Variants in ARMH3 observed in about 807,000 individuals in gnomAD.
ARMH3 encodes armadillo like helical domain containing 3.
Under a neutral mutation model 99.1 loss-of-function variants are expected in ARMH3, and 60 were observed. That is an observed-to-expected ratio of 0.61 (90% CI 0.49 to 0.75). ARMH3 has a LOEUF of 0.75. Ranked by LOEUF, ARMH3 falls within the 30% of genes least tolerant of loss-of-function variation. The pLI, the probability that ARMH3 is intolerant of heterozygous loss-of-function variation, is 0.00. For missense variants in ARMH3, 679 were observed against 843.1 expected, an observed-to-expected ratio of 0.81 and a Z score of 2.41; for synonymous variants, 285 against 292.8, an observed-to-expected ratio of 0.97 and a Z score of 0.27.
At chr10:101,893,440 TTTA>T (rs1026479358) in intron 23 of ARMH3, among the ~76,000 whole-genome samples, 1 of 152,006 alleles carries the variant, frequency 6.6e-6, no homozygotes. Flanking sequence ...GTTCTTGTTT[TTTA>T]TTATTATTAT....
chr10:102,030,616 A>G (rs552692399), intron 4 of ARMH3, among the ~76,000 whole-genome samples: 1 of 152,262 alleles, frequency 6.6e-6, no homozygotes, highest in South Asian at 2.1e-4. Context: ...AGGCTGAGGC[A>G]GGAGAATCCT....
chr10:102,004,250 A>G (rs1448531226), intron 14 of ARMH3, among the ~76,000 whole-genome samples: 4 of 152,186 alleles, frequency 2.6e-5, no homozygotes. Context: ...ACACCACTAT[A>G]ATTAAGATCT....
intron 23 of ARMH3, among the ~76,000 whole-genome samples, chr10:101,918,850 T>C (rs763294073): frequency 6.6e-6 from 1 of 152,192 alleles, no homozygotes; most frequent in Non-Finnish European, 1.5e-5. Context: ...ACAGGCTTAG[T>C]AGAACACTGA....
chr10:101,959,102 G>C (rs1364232824), intron 20 of ARMH3, among the ~76,000 whole-genome samples: 2 of 152,202 alleles, frequency 1.3e-5, no homozygotes, highest in African/African-American at 4.8e-5. Flanking sequence ...GCAAATGATA[G>C]GCAGCTGGCC....
At chr10:101,859,431 A>G in intron 24 of ARMH3, among the ~76,000 whole-genome samples, 1 of 152,224 alleles carries the variant, frequency 6.6e-6, no homozygotes, top group East Asian at 1.9e-4. Flanking sequence ...AATCACCTGA[A>G]AGGCAGATTC....
chr10:101,847,632 T>C lies in ARMH3; in HGVS notation c.1978-12A>G. ...CTAATGGATCGAACCTGGGAAAGGG[T>C]AGTTGGGGAAGGTGGGAGGGCGCAG... On this transcript the variant is annotated splice_polypyrimidine_tract_variant and intron_variant, in intron 25 of 25. Transcript: ENST00000370033. 6.2e-7 allele frequency: 1 copy of C among 1,612,994 alleles called. No homozygotes were observed. The highest frequency in any genetic ancestry group is 8.5e-7 in the Non-Finnish European group (1 of 1,179,380).
intron 24 of ARMH3, among the ~76,000 whole-genome samples, chr10:101,882,580 ATC>A (rs2067445356): frequency 2.0e-5 from 3 of 152,176 alleles, no homozygotes; most frequent in Non-Finnish European, 2.9e-5. Context: ...GCTCACTGCA[ATC>A]TCTGCCTCTC....
chr10:101,920,616 T>C (rs544061196), intron 23 of ARMH3, among the ~76,000 whole-genome samples: 26 of 152,128 alleles, frequency 1.7e-4, no homozygotes, highest in African/African-American at 6.0e-4. Context: ...GAACAATAAA[T>C]AAACTGTGGT....
At chr10:101,909,463 CTTTTT>C (rs61122631) in intron 23 of ARMH3, among the ~76,000 whole-genome samples, 7 of 71,714 alleles carry the variant, frequency 9.8e-5, no homozygotes, top group Admixed American at 4.5e-4. Context: ...CAAGCTTCCT[CTTTTT>C]TTTTTTTTTT....
In ARMH3 at chr10:101,941,584, C is replaced by T. The variant is rs372024970; in HGVS notation, c.1706-1646G>A. ...TCTGGCTGCTCTACGTCTGTTCCAG[C>T]AATGTCTCACATTTATAAATTCATG... On this transcript the variant is annotated intron_variant, in intron 22 of 25. Transcript: ENST00000370033. Among the ~76,000 whole-genome samples, 8 of 152,298 alleles carry T rather than the reference C, an allele frequency of 5.3e-5. No homozygotes were observed. The East Asian group carries it at 5.8e-4, about 11-fold the overall frequency.
At chr10:102,041,090 A>AT (rs1554897209) in intron 1 of ARMH3, among the ~76,000 whole-genome samples, 113 of 132,574 alleles carry the variant, frequency 8.5e-4, no homozygotes, top group South Asian at 1.2e-3. Flanking sequence ...ATATATATAT[A>AT]ATATATATAT....
intron 20 of ARMH3, among the ~76,000 whole-genome samples, chr10:101,966,707 T>C (rs762034682): frequency 4.6e-5 from 7 of 152,220 alleles, no homozygotes; most frequent in Non-Finnish European, 7.3e-5. Context: ...GAATTTTTTC[T>C]ATCCTGCTTT....
rs528725494 is a variant in ARMH3 at position 101,932,741 on chromosome 10, T to C, written c.1781+7122A>G. 2.6e-5 allele frequency among the ~76,000 whole-genome samples: 4 copies of C among 152,212 alleles called. No individual in the cohort carries two copies. In the South Asian group the frequency reaches 6.2e-4, roughly 24 times the overall value. ...ATAGAAACAGAAAACAGAATGATAA[T>C]AGCCAGAGGCTGGGAGAAAGAGGGA... On this transcript the variant is annotated intron_variant, in intron 23 of 25. Transcript: ENST00000370033.
chr10:102,046,419 G>A (rs936037233), intron 1 of ARMH3, among the ~76,000 whole-genome samples: 1 of 151,940 alleles, frequency 6.6e-6, no homozygotes, highest in African/African-American at 2.4e-5. Context: ...TTTGGAGGCC[G>A]AGGCGGGCAG....
At chr10:101,874,941 G>A (rs974868637) in intron 24 of ARMH3, among the ~76,000 whole-genome samples, 3 of 152,170 alleles carry the variant, frequency 2.0e-5, no homozygotes, top group East Asian at 1.9e-4. Flanking sequence ...ACAGGCAAAG[G>A]TCTAAAATGA....
At chr10:101,951,674 C>T (rs927129143) in intron 22 of ARMH3, among the ~76,000 whole-genome samples, 1 of 151,992 alleles carries the variant, frequency 6.6e-6, no homozygotes, top group African/African-American at 2.4e-5. Flanking sequence ...CAAGACCAGA[C>T]TGGCCAACAT....
chr10:101,873,216 A>G (rs915553204), intron 24 of ARMH3, among the ~76,000 whole-genome samples: 16 of 151,588 alleles, frequency 1.1e-4, no homozygotes, highest in Non-Finnish European at 2.2e-4. Context: ...AGCCTGACCA[A>G]CATAGTGAAA....
At chr10:102,019,188 A>G (rs1376119290) in intron 8 of ARMH3, among the ~76,000 whole-genome samples, 1 of 152,064 alleles carries the variant, frequency 6.6e-6, no homozygotes, top group Non-Finnish European at 1.5e-5. Context: ...AGTTGGGATT[A>G]CAGGTGCACA....
At chr10:101,872,250 C>CGTGTGTGT (rs35739666) in intron 24 of ARMH3, among the ~76,000 whole-genome samples, 4,401 of 146,446 alleles carry the variant, frequency 0.03, 91 homozygotes, top group Non-Finnish European at 0.044. Context: ...TGTGTAACAA[C>CGTGTGTGT]GTGTGTGTGT....
Sources: allele counts gnomAD v4.1 joint callset (sites outside exome capture counted in the v4.1 genomes callset), GRCh38; gene constraint gnomAD v4.1.1; transcripts MANE v1.5; gene names NCBI Gene and HGNC (gene_info 2026-07-23, HGNC 2026-07-21).